Variants in EML5 observed in about 807,000 individuals in gnomAD.
EML5 encodes the protein echinoderm microtubule-associated protein-like 5.
Under a neutral mutation model 250.0 loss-of-function variants are expected in EML5, and 120 were observed. That is an observed-to-expected ratio of 0.48 (90% CI 0.41 to 0.56). EML5 has a LOEUF of 0.56. EML5 is among the 20% of genes least tolerant of loss of function. EML5 has a pLI of 0.00. For synonymous variants in EML5, 771 were observed against 806.5 expected (o/e 0.96, Z 0.75); for missense variants, 2,006 against 2,437.6 (o/e 0.82, Z 3.73).
chr14:88,684,332 G>A (rs1177284200), intron 20 of EML5, among the ~76,000 whole-genome samples: 2 of 10,308 alleles, frequency 1.9e-4, no homozygotes, highest in Non-Finnish European at 3.4e-4. Flanking sequence ...CACTACGCCC[G>A]GCTAATTTTT....
chr14:88,648,000 A>G (rs906592941), intron 28 of EML5, among the ~76,000 whole-genome samples: 1 of 152,214 alleles, frequency 6.6e-6, no homozygotes, highest in African/African-American at 2.4e-5. Flanking sequence ...AGGGTTCCCC[A>G]GTCAGTGAAT....
At chr14:88,675,090 C>T (rs1369688942) in intron 21 of EML5, among the ~76,000 whole-genome samples, 2 of 152,228 alleles carry the variant, frequency 1.3e-5, no homozygotes. Flanking sequence ...GTGCCTGTGG[C>T]TTTTCCAGGC....
chr14:88,642,850 G>T (rs747971407), intron 31 of EML5, 43 bp downstream of exon 31: 1 of 1,550,718 alleles, frequency 6.4e-7, no homozygotes, highest in Non-Finnish European at 8.6e-7. Context: ...AAATTTCTAA[G>T]TTAAAAAAAT....
intron 18 of EML5, 101 bp from the exon 19 acceptor site, chr14:88,687,428 C>A: frequency 1.3e-6 from 1 of 770,572 alleles, no homozygotes; most frequent in South Asian, 2.1e-5. Flanking sequence ...AGAACATAGT[C>A]AAAAGTTACA....
intron 9 of EML5, among the ~76,000 whole-genome samples, chr14:88,713,413 GT>G (rs1293456571): frequency 6.6e-6 from 1 of 151,660 alleles, no homozygotes; most frequent in African/African-American, 2.4e-5. Flanking sequence ...ATACTAATAG[GT>G]AATATTTTGA....
At position 88,618,300 on chromosome 14, in the gene EML5, T is replaced by C. The variant is rs1193034646; in HGVS notation, c.5570A>G (p.Tyr1857Cys). The C allele has an allele frequency of 1.9e-6, 3 of 1,613,682 alleles. No homozygotes were observed. Among genetic ancestry groups the C allele is most frequent in the African/African-American group, 2.7e-5 (2 of 74,920 alleles). Residue 1857 changes from tyrosine to cysteine, a missense_variant, in exon 41 of 44, where the codon TAT becomes TGT. By Grantham distance (194) the Tyr-to-Cys change is radical (BLOSUM62 -2). Around this residue, in one of 7 missense-constraint regions of EML5, gnomAD observed 405 missense variants for 523.3 expected, o/e 0.77. Coordinates refer to ENST00000554922, the MANE Select transcript of EML5 (RefSeq NM_183387.3). ...AAGATGTTTTCCTGAAGGCACTTCATAGACATGCCGTTTATAGCAGCCACT... is the reference window on the plus strand; with the variant it reads ...AAGATGTTTTCCTGAAGGCACTTCACAGACATGCCGTTTATAGCAGCCACT... Reference protein sequence around the residue: ...VSSGCYKRHVYEVPSGKHLMD... With the variant: ...VSSGCYKRHVCEVPSGKHLMD...
chr14:88,789,168 A>C (rs1448705550), intron 1 of EML5, among the ~76,000 whole-genome samples: 1 of 152,166 alleles, frequency 6.6e-6, no homozygotes, highest in African/African-American at 2.4e-5. Context: ...AACTGGTAGT[A>C]GCTTATTTTA....
intron 1 of EML5, among the ~76,000 whole-genome samples, chr14:88,759,399 A>G (rs1423645380): frequency 1.3e-5 from 2 of 151,988 alleles, no homozygotes; most frequent in Non-Finnish European, 2.9e-5. Flanking sequence ...AAAACTGGGG[A>G]GGAAGGCTGT....
At chr14:88,724,347 A>C (rs1330316087) in intron 8 of EML5, among the ~76,000 whole-genome samples, 1 of 151,406 alleles carries the variant, frequency 6.6e-6, no homozygotes, top group Non-Finnish European at 1.5e-5. Flanking sequence ...AAAGCAAATC[A>C]AGAAGAAATA....
chr14:88,695,218 T>C (rs2093050002), intron 16 of EML5, 143 bp downstream of exon 16: 1 of 629,724 alleles, frequency 1.6e-6, no homozygotes, highest in Non-Finnish European at 2.7e-6. Flanking sequence ...ACTATGATTA[T>C]ATTATTTATT....
At position 88,616,890 on chromosome 14, in the gene EML5, G is replaced by A. The variant is rs1293096917; in HGVS notation, c.5643-11C>T. 2 of 1,610,374 alleles carry A rather than the reference G, an allele frequency of 1.2e-6. No homozygotes were observed. On this transcript the variant is annotated splice_polypyrimidine_tract_variant and intron_variant, in intron 41 of 43. Transcript: ENST00000554922. ...TCATCTCCTAGAATACTAGAGGGAA[G>A]GAACAAAAGAAAACTCATCATGGCA...
At chr14:88,758,657 C>A (rs1165989392) in intron 1 of EML5, among the ~76,000 whole-genome samples, 1 of 152,174 alleles carries the variant, frequency 6.6e-6, no homozygotes, top group Non-Finnish European at 1.5e-5. Flanking sequence ...TATGATCCAG[C>A]AATTCTATTC....
chr14:88,649,956 G>A, intron 27 of EML5, 30 bp from the exon 28 acceptor site: 1 of 1,446,994 alleles, frequency 6.9e-7, no homozygotes, highest in East Asian at 2.6e-5. Context: ...GAAAAAAGTA[G>A]GAAAACATAT....
chr14:88,626,284 A>T (rs2089929174), intron 35 of EML5: 1 of 152,588 alleles, frequency 6.6e-6, no homozygotes, highest in African/African-American at 2.4e-5. Context: ...CAATTAGAAG[A>T]TTAAGGAAGG....
chr14:88,654,217 C>A (rs1052194310), intron 27 of EML5, among the ~76,000 whole-genome samples: 5 of 152,038 alleles, frequency 3.3e-5, no homozygotes, highest in Non-Finnish European at 2.9e-5. Context: ...TTTTGTCAAT[C>A]TTTTCAAAAA....
chr14:88,649,827 A>G (rs767129137), intron 28 of EML5, 85 bp downstream of exon 28: 29 of 1,107,706 alleles, frequency 2.6e-5, no homozygotes, highest in Admixed American at 5.9e-5. Flanking sequence ...AATGTTTTAT[A>G]GGGAAAAAAT....
chr14:88,782,380 G>T (rs2094506167), intron 1 of EML5, among the ~76,000 whole-genome samples: 1 of 152,132 alleles, frequency 6.6e-6, no homozygotes. Flanking sequence ...TGATGCAGTA[G>T]AAAAGAAAAA....
At chr14:88,685,227 C>T (rs923261320) in intron 19 of EML5, 85 bp from the exon 20 acceptor site, 8 of 1,144,842 alleles carry the variant, frequency 7.0e-6, no homozygotes, top group Non-Finnish European at 5.9e-6. Context: ...GCTATTTTGA[C>T]AGTGAAAATC....
intron 6 of EML5, among the ~76,000 whole-genome samples, chr14:88,738,270 T>A (rs981017866): frequency 6.6e-6 from 1 of 152,152 alleles, no homozygotes; most frequent in Non-Finnish European, 1.5e-5. Flanking sequence ...TTTATTCTTA[T>A]TCTCCTTATT....
Sources: allele counts gnomAD v4.1 joint callset (sites outside exome capture counted in the v4.1 genomes callset), GRCh38; gene constraint gnomAD v4.1.1; regional missense constraint gnomAD v4.1.1; transcripts MANE v1.5; gene names NCBI Gene and HGNC (gene_info 2026-07-23, HGNC 2026-07-21).